Variants in KIF24 observed in about 807,000 individuals in gnomAD.
KIF24 encodes the protein kinesin-like protein KIF24.
KIF24 carries 81 observed loss-of-function variants against 118.9 expected under a neutral mutation model. The observed-to-expected ratio is 0.68, with a 90% CI of 0.57 to 0.82. The LOEUF (loss-of-function observed/expected upper bound fraction) is 0.82. Among genes scored for constraint, KIF24 ranks in the 40% least tolerant of loss-of-function variants. KIF24 has a pLI of 0.00. For missense variants in KIF24, 1,560 were observed against 1,661.6 expected (o/e 0.94, Z 1.06); for synonymous variants, 599 against 610.0 (o/e 0.98, Z 0.27).
intron 1 of KIF24, among the ~76,000 whole-genome samples, chr9:34,328,287 C>T (rs1837744039): frequency 1.3e-5 from 2 of 152,134 alleles, no homozygotes; most frequent in African/African-American, 4.8e-5. Flanking sequence ...TTCCAAAGCA[C>T]ACTTAAAATG....
chr9:34,291,028 G>A (rs1430285974), intron 4 of KIF24, among the ~76,000 whole-genome samples: 1 of 152,156 alleles, frequency 6.6e-6, no homozygotes, highest in Non-Finnish European at 1.5e-5. Context: ...CATGCTAGGT[G>A]CTTTAGAGGA....
Position 34,257,636 on chromosome 9 carries a change from CA to C in KIF24, c.1970del (p.Val657GlyfsTer38). On this transcript the variant is annotated frameshift_variant, in exon 11 of 13. Coordinates refer to ENST00000402558, the MANE Select transcript of KIF24 (RefSeq NM_194313.4). LOFTEE classifies it high-confidence loss of function. ...CTGACTCTTCTGGCTTTTTTTTGGC[CA>C]CATGTCCAGAGCGCACAGTTCCTTT... ...PVKGTVRSGH[V>X]AKKKPEESAP... 1 of 1,613,906 alleles carries C rather than the reference CA, an allele frequency of 6.2e-7. No individual in the cohort carries two copies. Among genetic ancestry groups the C allele is most frequent in the Non-Finnish European group, 8.5e-7 (1 of 1,179,852 alleles).
At chr9:34,254,648 T>C (rs1834749516) in intron 12 of KIF24, 128 bp from the exon 13 acceptor site, 1 of 922,342 alleles carries the variant, frequency 1.1e-6, no homozygotes, top group African/African-American at 1.6e-5. Flanking sequence ...GGAGAACATG[T>C]AGGATAGTTG....
At position 34,257,786 on chromosome 9, in the gene KIF24, C is replaced by A; in HGVS notation, c.1821G>T (p.Lys607Asn). 1.2e-6 allele frequency: 2 copies of A among 1,614,038 alleles called. No homozygotes were observed. The highest frequency in any genetic ancestry group is 8.5e-7 in the Non-Finnish European group (1 of 1,179,892). ...TVAAPGSTRG[K>N]VHPLTSHPPN... ...GTGGGTGGCTGGTCAGAGGATGGAC[C>A]TTCCCTCTCGTGGAACCAGGGGCTG... Residue 607 changes from lysine (K) to asparagine (N), a missense_variant, in exon 11 of 13, where the codon AAG (lysine) becomes AAT (asparagine). Coordinates refer to ENST00000402558, the MANE Select transcript of KIF24 (RefSeq NM_194313.4).
chr9:34,275,211 C>T (rs547125266), intron 6 of KIF24, among the ~76,000 whole-genome samples: 1 of 151,350 alleles, frequency 6.6e-6, no homozygotes, highest in Non-Finnish European at 1.5e-5. Context: ...CTGGCCAACA[C>T]GGTGAAACCC....
At chr9:34,307,771 G>A (rs1189393037) in intron 2 of KIF24, among the ~76,000 whole-genome samples, 1 of 150,742 alleles carries the variant, frequency 6.6e-6, no homozygotes, top group East Asian at 1.9e-4. Context: ...AACTTAGCTG[G>A]GCATGCTCAC....
chr9:34,262,672 AAAAATATATATATATATATATATAT>A (rs1200593866), intron 9 of KIF24, among the ~76,000 whole-genome samples: 13 of 37,960 alleles, frequency 3.4e-4, no homozygotes, highest in African/African-American at 1.4e-3. Flanking sequence ...AAAAAAAAAA[AAAAATATATATATATATATATATAT>A]ATATATATAT....
At chr9:34,255,660 C>T (rs1391446863) in intron 11 of KIF24, 75 bp downstream of exon 11, 8 of 1,325,324 alleles carry the variant, frequency 6.0e-6, no homozygotes, top group Non-Finnish European at 8.3e-6. Context: ...TCTCTTTGTC[C>T]ATGACAAAAC....
At chr9:34,307,307 C>G (rs183452734) in intron 2 of KIF24, among the ~76,000 whole-genome samples, 1 of 152,102 alleles carries the variant, frequency 6.6e-6, no homozygotes, top group South Asian at 2.1e-4. Flanking sequence ...TCAAGCAATC[C>G]TCCCATTTTG....
intron 1 of KIF24, among the ~76,000 whole-genome samples, chr9:34,323,679 G>A (rs1270479016): frequency 6.6e-6 from 1 of 152,146 alleles, no homozygotes; most frequent in African/African-American, 2.4e-5. Flanking sequence ...TTACCAAGAT[G>A]ACATTCTTTC....
intron 1 of KIF24, among the ~76,000 whole-genome samples, chr9:34,317,211 T>G (rs1424820152): frequency 1.4e-5 from 2 of 145,524 alleles, no homozygotes; most frequent in Non-Finnish European, 1.5e-5. Context: ...AGAGTGAAAC[T>G]CTGTCTCAAA....
chr9:34,297,063 C>T lies in KIF24; in HGVS notation c.865G>A (p.Val289Ile), dbSNP rs1328932315. Residue 289 changes from valine to isoleucine, a missense_variant, in exon 4 of 13, where the codon GTA becomes ATA. This residue lies in a region of KIF24 where 964 missense variants were observed against 988.0 expected (regional missense o/e 0.98). Coordinates refer to ENST00000402558, the MANE Select transcript of KIF24 (RefSeq NM_194313.4). ...AGTGGGTGAGTAGTCTTCATGTATACATCCTGATTGGTGCACGCCTCACCA... is the reference window on the plus strand; with the variant it reads ...AGTGGGTGAGTAGTCTTCATGTATATATCCTGATTGGTGCACGCCTCACCA... ...VFGEACTNQD[V>I]YMKTTHPLIQ... is the part of the protein sequence containing the mutation. 1.7e-5 allele frequency: 27 copies of T among 1,598,316 alleles called. No homozygotes were observed. Among genetic ancestry groups the T allele is most frequent in the Admixed American group, 5.1e-5 (3 of 58,654 alleles).
chr9:34,278,837 C>T (rs1424090160), intron 6 of KIF24, among the ~76,000 whole-genome samples: 2 of 152,112 alleles, frequency 1.3e-5, no homozygotes, highest in African/African-American at 4.8e-5. Context: ...GATAACTGGG[C>T]CTGGTGTGGT....
rs5897564 is a variant in KIF24, at chr9:34,298,544, C to CA, written c.814-1431dup. On this transcript the variant is annotated intron_variant, in intron 3 of 12. Coordinates refer to ENST00000402558, the MANE Select transcript of KIF24 (RefSeq NM_194313.4). ...CTGGGCAACGAGCAAAACTCCATCT[C>CA]AAAAAAAAAAAAAAGAGACAGAATA... Among the ~76,000 whole-genome samples, 1,303 of 135,952 alleles carry CA rather than the reference C, an allele frequency of 9.6e-3. 19 individuals carry two copies. Among genetic ancestry groups the CA allele is most frequent in the African/African-American group, 0.032 (1,092 of 34,076 alleles). The allele number at this position is 135,952 out of a possible 152,430, so 89.2% of individuals were successfully genotyped here.
chr9:34,312,730 ACT>A (rs1837209407), intron 1 of KIF24, among the ~76,000 whole-genome samples: 2 of 151,898 alleles, frequency 1.3e-5, no homozygotes, highest in South Asian at 4.2e-4. Flanking sequence ...ATGGAGTTTC[ACT>A]CTGTTGCCCA....
chr9:34,259,743 A>G lies in KIF24; in HGVS notation c.1516-38T>C, dbSNP rs140593200. ...GAAGGCAGGTCAATGAGTGAAGTCA[A>G]TTAACAAAGTGCATACTGACTACTT... is the stretch of plus-strand genomic sequence containing the variant. On this transcript the variant is annotated intron_variant, in intron 9 of 12. Coordinates refer to ENST00000402558, the MANE Select transcript of KIF24 (RefSeq NM_194313.4). The G allele has an allele frequency of 7.4e-6, 10 of 1,351,342 alleles. No individual in the cohort carries two copies. The East Asian group carries it at 2.1e-4, about 28-fold the overall frequency. 83.7% of individuals were successfully genotyped at this position (1,351,342 alleles called of 1,614,324 possible).
chr9:34,331,409 TTAAGTATCTTGCTC>T (rs796567999), upstream of KIF24, among the ~76,000 whole-genome samples: 12 of 152,340 alleles, frequency 7.9e-5, no homozygotes, highest in African/African-American at 2.2e-4. Flanking sequence ...AATGAGGAAG[TTAAGTATCTTGCTC>T]TAAGTATCTT....
intron 2 of KIF24, among the ~76,000 whole-genome samples, chr9:34,310,050 C>T (rs957892626): frequency 2.6e-5 from 4 of 151,422 alleles, no homozygotes; most frequent in Non-Finnish European, 4.4e-5. Context: ...TGTTATTTCA[C>T]CTCTTAGGGA....
At chr9:34,265,370 G>A (rs1177436569) in intron 8 of KIF24, among the ~76,000 whole-genome samples, 2 of 152,102 alleles carry the variant, frequency 1.3e-5, no homozygotes, top group Non-Finnish European at 2.9e-5. Context: ...GGGTCTCCCT[G>A]TGATGCCCAG....
Sources: allele counts gnomAD v4.1 joint callset (sites outside exome capture counted in the v4.1 genomes callset), GRCh38; gene constraint gnomAD v4.1.1; regional missense constraint gnomAD v4.1.1; transcripts MANE v1.5; gene names NCBI Gene and HGNC (gene_info 2026-07-23, HGNC 2026-07-21).